TMEM108: variants seen among roughly 807,000 people sequenced by gnomAD.
The protein encoded by TMEM108 is transmembrane protein 108.
In TMEM108, 12 loss-of-function variants were observed where a neutral mutation model predicts 35.1. The observed-to-expected ratio is 0.34, with a 90% confidence interval of 0.22 to 0.55. TMEM108 has a LOEUF of 0.55. Ranked by LOEUF, TMEM108 falls within the 20% of genes least tolerant of loss-of-function variation. The probability of loss-of-function intolerance (pLI) is 0.89; values close to 1 mark genes in which losing one functional copy is unlikely to be tolerated. For synonymous variants in TMEM108, 287 were observed against 308.6 expected (o/e 0.93, Z 0.73); for missense variants, 680 against 753.3 (o/e 0.90, Z 1.14).
intron 2 of TMEM108, among the ~76,000 whole-genome samples, chr3:133,122,855 TC>T (rs1390122184): frequency 9.1e-6 from 1 of 109,472 alleles, no homozygotes; most frequent in East Asian, 2.5e-4. Flanking sequence ...AGAGCGAGAC[TC>T]CATCTCAAAA....
intron 2 of TMEM108, among the ~76,000 whole-genome samples, chr3:133,178,452 A>G (rs1049740973): frequency 1.3e-5 from 2 of 152,176 alleles, no homozygotes; most frequent in African/African-American, 2.4e-5. Flanking sequence ...TACTGGTACC[A>G]AAACAGAGAT....
chr3:133,090,424 G>A (rs1390837367), intron 2 of TMEM108, among the ~76,000 whole-genome samples: 2 of 152,226 alleles, frequency 1.3e-5, no homozygotes, highest in African/African-American at 4.8e-5. Flanking sequence ...GTATTGTTGG[G>A]ATTAAGTAAT....
chr3:133,142,589 C>T (rs1190600416), intron 2 of TMEM108, among the ~76,000 whole-genome samples: 1 of 152,154 alleles, frequency 6.6e-6, no homozygotes, highest in Non-Finnish European at 1.5e-5. Context: ...TCCCTGCTCC[C>T]TAAAACATCA....
chr3:133,346,243 G>T lies in TMEM108; in HGVS notation c.41-33509G>T, dbSNP rs2071813492. The stretch of plus-strand genomic sequence containing the variant: ...TCTTCCTTGGTGGCTGTACCATTTT[G>T]CATTCCTGTCAGCACTGAATGAGAG... On this transcript the variant is annotated intron_variant, in intron 3 of 5. Coordinates refer to ENST00000321871, the MANE Select transcript of TMEM108 (RefSeq NM_023943.4). The surrounding 1 kb of genome is among the most constrained non-coding windows in gnomAD (Gnocchi z 4.0). 6.6e-6 allele frequency among the ~76,000 whole-genome samples: 1 copy of T among 151,830 alleles called. No individual in the cohort carries two copies. Among genetic ancestry groups the T allele is most frequent in the Non-Finnish European group, 1.5e-5 (1 of 67,850 alleles).
intron 1 of TMEM108, among the ~76,000 whole-genome samples, chr3:133,045,362 A>G (rs1048653414): frequency 2.6e-5 from 4 of 152,218 alleles, no homozygotes; most frequent in African/African-American, 7.2e-5. Context: ...AGTCAAGGTT[A>G]CTGTGCTAGT....
intron 3 of TMEM108, among the ~76,000 whole-genome samples, chr3:133,351,807 A>G (rs2072008447): frequency 6.6e-6 from 1 of 152,136 alleles, no homozygotes; most frequent in African/African-American, 2.4e-5. Flanking sequence ...TTCCAAGGAC[A>G]TCACTCTCCC....
chr3:133,170,744 G>A (rs1945117716), intron 2 of TMEM108, among the ~76,000 whole-genome samples: 1 of 152,078 alleles, frequency 6.6e-6, no homozygotes, highest in African/African-American at 2.4e-5. Flanking sequence ...TCCAAGGTAT[G>A]ATAGGAGATA....
intron 3 of TMEM108, among the ~76,000 whole-genome samples, chr3:133,320,129 T>C (rs1019893893): frequency 1.6e-4 from 24 of 151,688 alleles, no homozygotes; most frequent in Non-Finnish European, 3.2e-4. Flanking sequence ...TCTATAACAC[T>C]CCAAAAAGAC....
At chr3:133,068,488 AAGAG>A (rs1294741294) in intron 2 of TMEM108, among the ~76,000 whole-genome samples, 1 of 152,150 alleles carries the variant, frequency 6.6e-6, no homozygotes, top group Non-Finnish European at 1.5e-5. Flanking sequence ...GAAATTAAGA[AAGAG>A]AGAAATCTTA....
chr3:133,062,106 A>G (rs80310668), intron 2 of TMEM108, among the ~76,000 whole-genome samples: 4,204 of 152,346 alleles, frequency 0.028, 99 homozygotes, highest in South Asian at 0.06. Flanking sequence ...CCAAGAATGC[A>G]TTTTCTAGGA....
At chr3:133,184,592 C>T (rs1296270023) in intron 2 of TMEM108, among the ~76,000 whole-genome samples, 3 of 152,158 alleles carry the variant, frequency 2.0e-5, no homozygotes, top group Non-Finnish European at 2.9e-5. Flanking sequence ...TAAGTCTATT[C>T]AAATCATTCA....
At chr3:133,309,682 CTTTTTTTTTTTTTTTTTTTTT>C (rs148272827) in intron 3 of TMEM108, among the ~76,000 whole-genome samples, 1 of 69,136 alleles carries the variant, frequency 1.4e-5, no homozygotes, top group Non-Finnish European at 2.8e-5. Context: ...GAGTGAGTTT[CTTTTTTTTTTTTTTTTTTTTT>C]TTTTTTTTTT....
intron 4 of TMEM108, among the ~76,000 whole-genome samples, chr3:133,384,941 CCTCT>C (rs1382913820): frequency 6.6e-6 from 1 of 152,110 alleles, no homozygotes; most frequent in Admixed American, 6.5e-5. Context: ...TGGAGTAGCC[CCTCT>C]CTCTCTGACA....
chr3:133,163,077 C>T (rs868172903), intron 2 of TMEM108, among the ~76,000 whole-genome samples: 5 of 152,280 alleles, frequency 3.3e-5, no homozygotes, highest in East Asian at 1.9e-4. Context: ...GTCAGTTCTC[C>T]GTTGCTTTTA....
intron 3 of TMEM108, among the ~76,000 whole-genome samples, chr3:133,318,564 C>T (rs185685633): frequency 6.8e-4 from 103 of 152,238 alleles, no homozygotes; most frequent in African/African-American, 2.5e-3. Context: ...CAGCCATGTT[C>T]TCATAAGTAC....
At chr3:133,281,606 C>T (rs118012390) in intron 3 of TMEM108, among the ~76,000 whole-genome samples, 4 of 152,316 alleles carry the variant, frequency 2.6e-5, no homozygotes, top group East Asian at 1.9e-4. Flanking sequence ...AGAAGTACAA[C>T]GGCAGCTGGC....
intron 2 of TMEM108, among the ~76,000 whole-genome samples, chr3:133,173,260 A>G (rs1380855934): frequency 6.6e-6 from 1 of 152,248 alleles, no homozygotes; most frequent in Non-Finnish European, 1.5e-5. Context: ...TAATCTTTCA[A>G]TGCCAGTTTA....
intron 3 of TMEM108, among the ~76,000 whole-genome samples, chr3:133,283,708 G>A (rs111750168): frequency 8.4e-4 from 128 of 152,318 alleles, no homozygotes; most frequent in African/African-American, 3.1e-3. Flanking sequence ...TTATAGTACT[G>A]TGTGCTGATA....
At chr3:133,371,613 C>CAAAAAAAAAAAAAAAAAAAAAAAAAA (rs3054624) in intron 3 of TMEM108, among the ~76,000 whole-genome samples, 11 of 78,096 alleles carry the variant, frequency 1.4e-4, no homozygotes, top group African/African-American at 5.9e-4. Context: ...CACAAACCCA[C>CAAAAAAAAAAAAAAAAAAAAAAAAAA]AAAAAAAAAA....
Sources: gnomAD v4.1 joint callset for allele counts (sites outside exome capture counted in the v4.1 genomes callset) on GRCh38, gnomAD v4.1.1 for gene constraint, Gnocchi (gnomAD v3.1) non-coding constraint, MANE v1.5 for transcripts, NCBI Gene and HGNC (gene_info 2026-07-23, HGNC 2026-07-21) for gene names.